The following EXTL3 variants were observed in gnomAD, a reference collection of about 807,000 sequenced individuals.
The protein encoded by EXTL3 is exostosin-like 3.
In EXTL3, 27 loss-of-function variants were observed where a neutral mutation model predicts 69.3. The observed-to-expected ratio is 0.39, with a 90% CI of 0.29 to 0.54. EXTL3 has a LOEUF of 0.54. EXTL3 is among the 20% of genes least tolerant of loss of function. The pLI, the probability that EXTL3 is intolerant of heterozygous loss-of-function variation, is 0.69. For missense variants in EXTL3, 1,003 were observed against 1,231.8 expected, an observed-to-expected ratio of 0.81 and a Z score of 2.78; for synonymous variants, 511 against 499.4, an observed-to-expected ratio of 1.02 and a Z score of -0.31.
downstream of EXTL3, among the ~76,000 whole-genome samples, chr8:28,756,492 G>A (rs560807788): frequency 3.3e-5 from 5 of 152,224 alleles, no homozygotes; most frequent in African/African-American, 4.8e-5. Flanking sequence ...AAATCTGTCC[G>A]TTCTATTATA....
At chr8:28,737,735 C>T in intron 5 of EXTL3, 72 bp downstream of exon 5, 1 of 1,522,020 alleles carries the variant, frequency 6.6e-7, no homozygotes, top group Non-Finnish European at 9.1e-7. Context: ...GGAATGCTGC[C>T]CTCAGCTTAG....
chr8:28,619,266 T>TAAAAAGATAAAA (rs1806372138), upstream of EXTL3, among the ~76,000 whole-genome samples: 1 of 64,656 alleles, frequency 1.5e-5, no homozygotes, highest in Non-Finnish European at 2.8e-5. Flanking sequence ...AGCTTAGTGA[T>TAAAAAGATAAAA]AAAAAAAAAA....
At chr8:28,724,817 T>A (rs1395778020) in intron 3 of EXTL3, among the ~76,000 whole-genome samples, 1 of 152,016 alleles carries the variant, frequency 6.6e-6, no homozygotes, top group African/African-American at 2.4e-5. Flanking sequence ...ATAATGATGA[T>A]GATGATGTAG....
At chr8:28,699,958 CCT>C, upstream of EXTL3, 1 of 152,206 alleles carries the variant, frequency 6.6e-6, no homozygotes, top group South Asian at 2.1e-4. Context: ...GTAGTTCTTC[CCT>C]GTCTTCTGTG....
rs1270284165 is a variant in EXTL3, at chr8:28,717,554, A to G, written c.1495A>G (p.Ser499Gly). ...RVTEVHFLLR[S>G]LSDSDLLAMR... is the part of the protein sequence containing the mutation. ...TACCGAGGTTCATTTCCTGCTCAGA[A>G]GCCTCTCCGATAGTGACCTCCTGGC... Residue 499 changes from serine to glycine, a missense_variant, in exon 3 of 7, where the codon AGC becomes GGC. Physicochemically the swap from Ser to Gly is moderately conservative, Grantham distance 56 (BLOSUM62 0). Transcript: ENST00000220562. The surrounding 1 kb of genome is among the most constrained non-coding windows in gnomAD (Gnocchi z 8.3). 6.2e-7 allele frequency: 1 copy of G among 1,614,210 alleles called. No individual in the cohort carries two copies. Among genetic ancestry groups the G allele is most frequent in the South Asian group, 1.1e-5 (1 of 91,088 alleles).
Position 28,715,927 on chromosome 8 carries a change from T to C in EXTL3, c.-133T>C, listed in dbSNP as rs1801132321. 1 of 687,428 alleles carries C rather than the reference T, an allele frequency of 1.5e-6. No homozygotes were observed. The allele number at this position is 687,428 out of a possible 1,614,324, so 42.6% of individuals were successfully genotyped here. A position where few individuals can be genotyped will look rare whatever the true frequency, so the allele number is the denominator to read the frequency against. On this transcript the variant is annotated 5_prime_UTR_variant, in exon 3 of 7. Coordinates refer to ENST00000220562, the MANE Select transcript of EXTL3 (RefSeq NM_001440.4). ...AGGAAAATGAAATGTTCATTTTATT[T>C]GGTGCCTTGTCTGGGGAGCACACTA...
rs557094754 is a variant in EXTL3 at position 28,685,225 on chromosome 8, C to T, written c.-52-28232C>T. ...TCGGCCTCCCAAAGTGCTGGGATTA[C>T]AGGCGTGAGCCACCATGCCCAGCCA... On this transcript the variant is annotated intron_variant, in intron 1 of 6. Transcript: ENST00000523149. 2.4e-4 allele frequency among the ~76,000 whole-genome samples: 36 copies of T among 152,344 alleles called. 1 individual carries two copies. The South Asian group carries it at 7.5e-3, about 32-fold the overall frequency.
At chr8:28,744,627 T>C (rs930522577) in intron 6 of EXTL3, among the ~76,000 whole-genome samples, 24 of 152,198 alleles carry the variant, frequency 1.6e-4, no homozygotes, top group African/African-American at 5.3e-4. Context: ...ACCTTGTCTC[T>C]ACTAAAAATA....
chr8:28,727,274 A>C (rs1376354688), intron 3 of EXTL3, among the ~76,000 whole-genome samples: 1 of 152,196 alleles, frequency 6.6e-6, no homozygotes, highest in Non-Finnish European at 1.5e-5. Flanking sequence ...AGTTGTGCTC[A>C]GAGGGTGAGC....
intron 3 of EXTL3, among the ~76,000 whole-genome samples, chr8:28,719,245 A>T (rs1304146723): frequency 6.6e-6 from 1 of 152,236 alleles, no homozygotes; most frequent in African/African-American, 2.4e-5. Context: ...TTAAGTAGTC[A>T]TTTCGTGATC....
At chr8:28,658,006 G>A (rs549057965) in intron 1 of EXTL3, among the ~76,000 whole-genome samples, 24 of 152,340 alleles carry the variant, frequency 1.6e-4, no homozygotes, top group Admixed American at 5.2e-4. Context: ...TTCTGAGCCC[G>A]CTGGCAAGAG....
At chr8:28,719,475 A>G (rs1255237136) in intron 3 of EXTL3, among the ~76,000 whole-genome samples, 9 of 152,174 alleles carry the variant, frequency 5.9e-5, no homozygotes, top group African/African-American at 2.2e-4. Flanking sequence ...TGTTTGTGTC[A>G]TAGTTGTTAC....
chr8:28,737,895 A>G (rs1237968773), intron 5 of EXTL3, among the ~76,000 whole-genome samples: 1 of 152,142 alleles, frequency 6.6e-6, no homozygotes, highest in Non-Finnish European at 1.5e-5. Flanking sequence ...CCATTTGGAA[A>G]CCACTTTATC....
chr8:28,650,220 C>G (rs1806896457), intron 1 of EXTL3, among the ~76,000 whole-genome samples: 1 of 147,690 alleles, frequency 6.8e-6, no homozygotes, highest in Admixed American at 6.7e-5. Context: ...AAAAAAAAAT[C>G]CAGATGTTGT....
chr8:28,616,394 G>A (rs13268456), intron 2 of EXTL3, among the ~76,000 whole-genome samples: 43,791 of 152,048 alleles, frequency 0.29, 6,478 homozygotes, highest in African/African-American at 0.33. Flanking sequence ...GGGAGGCTGA[G>A]GCGGGTGGAT....
chr8:28,689,265 C>T (rs1210141893), intron 1 of EXTL3, among the ~76,000 whole-genome samples: 5 of 152,168 alleles, frequency 3.3e-5, no homozygotes, highest in Non-Finnish European at 7.4e-5. Flanking sequence ...CTTAGCAACA[C>T]AAATAACTTA....
At chr8:28,713,806 C>T (rs1382077176) in intron 2 of EXTL3, among the ~76,000 whole-genome samples, 1 of 151,986 alleles carries the variant, frequency 6.6e-6, no homozygotes, top group Non-Finnish European at 1.5e-5. Context: ...GATGTCTTGT[C>T]AGGTGTTCTT....
At chr8:28,665,168 T>G (rs1807176808) in intron 1 of EXTL3, among the ~76,000 whole-genome samples, 1 of 145,952 alleles carries the variant, frequency 6.9e-6, no homozygotes, top group Admixed American at 7.1e-5. Flanking sequence ...ACCTCCCAGG[T>G]TAGAGTGATT....
intron 1 of EXTL3, among the ~76,000 whole-genome samples, chr8:28,705,099 G>A (rs1800893796): frequency 1.3e-5 from 2 of 152,228 alleles, no homozygotes; most frequent in South Asian, 4.1e-4. Context: ...TCTTGGAGGT[G>A]AAACGAGAAG....
Sources: allele counts gnomAD v4.1 joint callset (sites outside exome capture counted in the v4.1 genomes callset), GRCh38; gene constraint gnomAD v4.1.1; non-coding constraint Gnocchi (gnomAD v3.1); transcripts MANE v1.5; gene names NCBI Gene and HGNC (gene_info 2026-07-23, HGNC 2026-07-21).